DNAH14: variants seen among roughly 807,000 people sequenced by gnomAD.
The protein encoded by DNAH14 is dynein axonemal heavy chain 14, also known as axonemal beta dynein heavy chain 14.
DNAH14 carries 478 observed loss-of-function variants against 520.9 expected under a neutral mutation model. That is an observed-to-expected ratio of 0.92 (90% CI 0.85 to 0.99). The LOEUF (loss-of-function observed/expected upper bound fraction) is 0.99, where lower values mean the gene tolerates loss of function less well. DNAH14 is among the 50% of genes least tolerant of loss of function. The pLI is 0.00. For synonymous variants in DNAH14, 1,581 were observed against 1,757.2 expected (o/e 0.90, Z 2.51); for missense variants, 4,831 against 5,234.5 (o/e 0.92, Z 2.38).
At chr1:225,118,117 A>G in intron 25 of DNAH14, 118 bp downstream of exon 25, 1 of 789,706 alleles carries the variant, frequency 1.3e-6, no homozygotes, top group African/African-American at 1.7e-5. Flanking sequence ...TTCAAAGATT[A>G]TATCCTTACG....
chr1:225,054,308 G>A (rs2068830810), intron 17 of DNAH14, among the ~76,000 whole-genome samples: 1 of 151,958 alleles, frequency 6.6e-6, no homozygotes, highest in Non-Finnish European at 1.5e-5. Flanking sequence ...TAATACATGG[G>A]GACTTGATAT....
intron 27 of DNAH14, among the ~76,000 whole-genome samples, chr1:225,139,835 T>G (rs2149015337): frequency 6.6e-6 from 1 of 152,302 alleles, no homozygotes; most frequent in South Asian, 2.1e-4. Context: ...GACATGGCCT[T>G]GACTGTGATT....
intron 23 of DNAH14, among the ~76,000 whole-genome samples, chr1:225,102,440 G>A (rs2075580199): frequency 6.6e-6 from 1 of 152,116 alleles, no homozygotes; most frequent in Admixed American, 6.5e-5. Context: ...GGTATTTCTA[G>A]TTCTAGATCC....
chr1:225,389,140 A>G (rs568893155), intron 82 of DNAH14, among the ~76,000 whole-genome samples: 1 of 152,326 alleles, frequency 6.6e-6, no homozygotes, highest in East Asian at 1.9e-4. Context: ...CAAGTGCCTC[A>G]CAGGATGTGG....
At chr1:225,070,047 A>G (rs182557574) in intron 17 of DNAH14, among the ~76,000 whole-genome samples, 1 of 152,084 alleles carries the variant, frequency 6.6e-6, no homozygotes, top group African/African-American at 2.4e-5. Context: ...GGGGTCAGTG[A>G]TAATATCTCA....
intron 12 of DNAH14, among the ~76,000 whole-genome samples, chr1:225,041,122 G>A (rs992384396): frequency 5.9e-5 from 9 of 152,190 alleles, no homozygotes; most frequent in African/African-American, 2.2e-4. Context: ...TGCCACTAAG[G>A]TGGCCTAAAT....
chr1:225,358,456 G>A, intron 73 of DNAH14, 40 bp from the exon 74 acceptor site: 2 of 1,431,532 alleles, frequency 1.4e-6, no homozygotes, highest in Non-Finnish European at 1.9e-6. Flanking sequence ...TCTCTGGGTG[G>A]CTTTTAATTT....
Position 225,199,565 on chromosome 1 carries a change from T to G in DNAH14, c.5887-4618T>G, listed in dbSNP as rs549011490. Among the ~76,000 whole-genome samples, 25 of 152,316 alleles carry G rather than the reference T, an allele frequency of 1.6e-4. No homozygotes were observed. In the South Asian group the frequency reaches 5.0e-3, roughly 30 times the overall value. ...TATTTCATTCAGTTCAAAGAATTTT[T>G]AAATTTCCATCTTGATTTCATTTTG... On this transcript the variant is annotated intron_variant, in intron 38 of 85. Transcript: ENST00000682510.
intron 17 of DNAH14, among the ~76,000 whole-genome samples, chr1:225,057,961 G>A (rs948005978): frequency 1.3e-5 from 2 of 152,168 alleles, no homozygotes; most frequent in Admixed American, 1.3e-4. Flanking sequence ...TTGCATTGAT[G>A]TTCATCAGGG....
At chr1:225,028,317 T>C (rs1256945936) in intron 11 of DNAH14, among the ~76,000 whole-genome samples, 1 of 152,120 alleles carries the variant, frequency 6.6e-6, no homozygotes, top group Non-Finnish European at 1.5e-5. Flanking sequence ...TTGTTATAGA[T>C]TTGTTTAGAT....
At chr1:225,061,336 G>C (rs1201740533) in intron 17 of DNAH14, among the ~76,000 whole-genome samples, 1 of 152,238 alleles carries the variant, frequency 6.6e-6, no homozygotes, top group Non-Finnish European at 1.5e-5. Flanking sequence ...CAATCTCCTG[G>C]TGTGCCATTT....
chr1:225,001,136 G>A (rs959852810), intron 8 of DNAH14, among the ~76,000 whole-genome samples: 4 of 150,682 alleles, frequency 2.7e-5, no homozygotes, highest in Non-Finnish European at 4.4e-5. Context: ...ACCCATTGGC[G>A]TTTCTAGGTT....
chr1:225,156,956 C>T (rs2081107992), intron 34 of DNAH14, among the ~76,000 whole-genome samples: 1 of 109,458 alleles, frequency 9.1e-6, no homozygotes, highest in Non-Finnish European at 1.9e-5. Flanking sequence ...ACCTCGTGAT[C>T]CGCCCGCCTC....
Position 225,324,807 on chromosome 1 carries a change from C to T in DNAH14, c.9698C>T (p.Ala3233Val), listed in dbSNP as rs745928222. The change falls in exon 64 of 86, where the codon GCT becomes GTT. Residue 3233 changes from alanine (A) to valine (V), a missense_variant. Transcript: ENST00000682510. ...NVLKIARQRL[A>V]EKQRGLQLVE... ...CTTAAAATTGCGCGACAAAGACTTGCTGAGAAACAAAGAGGTTTACAGCTG... is the reference window on the plus strand; with the variant it reads ...CTTAAAATTGCGCGACAAAGACTTGTTGAGAAACAAAGAGGTTTACAGCTG... 161 of 1,551,224 alleles carry T rather than the reference C, an allele frequency of 1.0e-4. 1 individual carries two copies. The highest frequency in any genetic ancestry group is 6.7e-4 in the Middle Eastern group (4 of 6,008).
intron 5 of DNAH14, among the ~76,000 whole-genome samples, 153 bp from the exon 6 acceptor site, chr1:224,967,278 T>G (rs1264371624): frequency 6.6e-6 from 1 of 152,240 alleles, no homozygotes; most frequent in South Asian, 2.1e-4. Context: ...TTAGACATAA[T>G]TTGATGTTAG....
At position 225,358,653 on chromosome 1, in the gene DNAH14, G is replaced by T. The variant is rs575579688; in HGVS notation, c.11776+1G>T. On this transcript the variant is annotated splice_donor_variant, in intron 74 of 85. Transcript: ENST00000682510. LOFTEE classifies it high-confidence loss of function. Reference sequence around the variant, plus strand: ...CCGCTGATACTTATTCAAACTCATGGTAAGCTATTTGTGAATAGTTAAGAT... The same window carrying T: ...CCGCTGATACTTATTCAAACTCATGTTAAGCTATTTGTGAATAGTTAAGAT... 3.0e-5 allele frequency: 47 copies of T among 1,546,088 alleles called. No individual in the cohort carries two copies. In the South Asian group the frequency reaches 5.3e-4, roughly 18 times the overall value.
At chr1:225,021,169 A>G (rs1048245179) in intron 10 of DNAH14, among the ~76,000 whole-genome samples, 2 of 152,326 alleles carry the variant, frequency 1.3e-5, no homozygotes, top group East Asian at 3.9e-4. Flanking sequence ...AGAGCCATAT[A>G]TGGCAAGCAC....
Position 225,252,372 on chromosome 1 carries a change from C to A in DNAH14, c.6820C>A (p.Pro2274Thr). 6.5e-7 allele frequency: 1 copy of A among 1,548,788 alleles called. No homozygotes were observed. The highest frequency in any genetic ancestry group is 8.7e-7 in the Non-Finnish European group (1 of 1,145,124). Reference protein sequence around the residue: ...FVDIEQCEFIPWSDLVPNDQT... With the variant: ...FVDIEQCEFITWSDLVPNDQT... The stretch of plus-strand genomic sequence containing the variant: ...GGATATAGAGCAATGTGAATTCATA[C>A]CTTGGTCAGATTTAGTTCCTAATGA... The change falls in exon 44 of 86, where the codon CCT becomes ACT. Residue 2274 changes from proline to threonine, a missense_variant. By Grantham distance (38) the Pro-to-Thr change is conservative. Transcript: ENST00000682510.
Position 225,275,922 on chromosome 1 carries a change from G to A in DNAH14, c.8019G>A (p.Trp2673Ter), listed in dbSNP as rs1007401829. The change falls in exon 53 of 86, where the codon TGG becomes TGA. Residue 2673 changes from tryptophan (W) to a stop codon, truncating the protein, a stop_gained. Coordinates refer to ENST00000682510, the MANE Select transcript of DNAH14 (RefSeq NM_001367479.1). LOFTEE classifies it high-confidence loss of function. ...TTCTTATCTTACAATAGATTCAGTGGACCCAAGAAAACCTGATGAATCACT... is the reference window on the plus strand; with the variant it reads ...TTCTTATCTTACAATAGATTCAGTGAACCCAAGAAAACCTGATGAATCACT... ...RELENCFQIQ[W>*]TQENLMNHST... 11 of 338,580 alleles carry A rather than the reference G, an allele frequency of 3.2e-5. No homozygotes were observed. In the Admixed American group the frequency reaches 5.0e-4, roughly 16 times the overall value. The allele number at this position is 338,580 out of a possible 1,614,324, so 21.0% of individuals were successfully genotyped here.
Sources: allele counts gnomAD v4.1 joint callset (sites outside exome capture counted in the v4.1 genomes callset), GRCh38; gene constraint gnomAD v4.1.1; transcripts MANE v1.5; gene names NCBI Gene and HGNC (gene_info 2026-07-23, HGNC 2026-07-21).